KYNU: variants seen among roughly 807,000 people sequenced by gnomAD.
The protein encoded by KYNU is L-kynurenine hydrolase.
In KYNU, 54 loss-of-function variants were observed where a neutral mutation model predicts 59.2. The observed-to-expected ratio is 0.91, with a 90% CI of 0.73 to 1.14. The LOEUF is 1.14. Ranked by LOEUF, KYNU falls within the 50% of genes most tolerant of loss-of-function variation. The pLI is 0.00. For missense variants in KYNU, 567 were observed against 554.4 expected (o/e 1.02, Z -0.23); for synonymous variants, 177 against 192.0 (o/e 0.92, Z 0.65).
intron 11 of KYNU, among the ~76,000 whole-genome samples, chr2:143,029,949 A>G (rs1013867597): frequency 3.3e-5 from 5 of 152,196 alleles, no homozygotes; most frequent in Admixed American, 1.3e-4. Flanking sequence ...TGCCATCAAC[A>G]TAGAGTGCCT....
At chr2:142,904,091 C>T (rs1483644870) in intron 2 of KYNU, among the ~76,000 whole-genome samples, 1 of 152,120 alleles carries the variant, frequency 6.6e-6, no homozygotes, top group Non-Finnish European at 1.5e-5. Context: ...AAGTTTTTTT[C>T]TAATGTCTGC....
chr2:143,041,854 T>G (rs970322154), intron 13 of KYNU, among the ~76,000 whole-genome samples, 193 bp from the exon 14 acceptor site: 13 of 151,956 alleles, frequency 8.6e-5, no homozygotes, highest in African/African-American at 2.9e-4. Flanking sequence ...TCCATTCTTA[T>G]TTCTTAAATT....
At chr2:142,974,322 T>C (rs975009889) in intron 8 of KYNU, among the ~76,000 whole-genome samples, 3 of 152,156 alleles carry the variant, frequency 2.0e-5, no homozygotes, top group Non-Finnish European at 4.4e-5. Context: ...GAATAATCAA[T>C]TATGTATTCC....
chr2:142,971,758 T>G (rs1172641624), intron 8 of KYNU, among the ~76,000 whole-genome samples: 1 of 152,230 alleles, frequency 6.6e-6, no homozygotes, highest in African/African-American at 2.4e-5. Context: ...CCAGGTTGAT[T>G]TGATGGAACA....
rs1477591671 is a variant in KYNU at position 143,046,544 on chromosome 2, G to A, written c.*4372G>A. The A allele has an allele frequency of 7.1e-6, 1 of 141,570 alleles. No individual in the cohort carries two copies. The allele number at this position is 141,570 out of a possible 1,614,324, so 8.8% of individuals were successfully genotyped here. ...TAATTCCTTCTATTTCATAAGCCAG[G>A]TTTCTATATATCTATATAAATATAG... On this transcript the variant is annotated 3_prime_UTR_variant, in exon 14 of 14. Coordinates refer to ENST00000264170, the MANE Select transcript of KYNU (RefSeq NM_003937.3).
chr2:143,035,336 TC>T (rs1686866242), intron 12 of KYNU, among the ~76,000 whole-genome samples: 1 of 152,246 alleles, frequency 6.6e-6, no homozygotes, highest in African/African-American at 2.4e-5. Context: ...TGAGCCTCTT[TC>T]TGCTCATTTC....
At position 143,052,622 on chromosome 2, in the gene KYNU, A is replaced by G. The variant is rs528941313; in HGVS notation, c.*10450A>G. ...GTGGCTTCAGAGGGTGGAAGCCCCA[A>G]GTCTTGGCAGCTTCCATATGGTGTT... On this transcript the variant is annotated 3_prime_UTR_variant, in exon 14 of 14. Transcript: ENST00000264170. 1 of 152,364 alleles carries G rather than the reference A, an allele frequency of 6.6e-6. No individual in the cohort carries two copies. The highest frequency in any genetic ancestry group is 1.5e-5 in the Non-Finnish European group (1 of 68,070). The allele number at this position is 152,364 out of a possible 1,614,324, so 9.4% of individuals were successfully genotyped here.
intron 3 of KYNU, among the ~76,000 whole-genome samples, chr2:142,925,046 A>G (rs576716688): frequency 7.2e-5 from 11 of 152,346 alleles, no homozygotes; most frequent in African/African-American, 2.6e-4. Flanking sequence ...CTACCAGAGT[A>G]AGGAGTAGGT....
At chr2:142,899,202 C>T (rs902504070) in intron 2 of KYNU, among the ~76,000 whole-genome samples, 2 of 152,098 alleles carry the variant, frequency 1.3e-5, no homozygotes, top group African/African-American at 4.8e-5. Flanking sequence ...ACAGAGCTCC[C>T]ATACGATGGG....
intron 10 of KYNU, among the ~76,000 whole-genome samples, chr2:143,017,734 G>A (rs905810702): frequency 1.3e-5 from 2 of 151,884 alleles, no homozygotes; most frequent in Non-Finnish European, 2.9e-5. Context: ...CATAATGCCC[G>A]GCCATTTTTT....
At chr2:142,918,890 A>G (rs1682772520) in intron 3 of KYNU, among the ~76,000 whole-genome samples, 161 bp downstream of exon 3, 1 of 152,238 alleles carries the variant, frequency 6.6e-6, no homozygotes, top group Admixed American at 6.5e-5. Context: ...ATCATTCCAA[A>G]ATCCACAATG....
rs764453101 is a variant in KYNU, at chr2:142,885,353, A to G, written c.-15A>G. 110 of 1,612,856 alleles carry G rather than the reference A, an allele frequency of 6.8e-5. No homozygotes were observed. The highest frequency in any genetic ancestry group is 1.6e-4 in the Middle Eastern group (1 of 6,082). On this transcript the variant is annotated 5_prime_UTR_variant, in exon 2 of 14. Coordinates refer to ENST00000264170, the MANE Select transcript of KYNU (RefSeq NM_003937.3). Reference sequence around the variant, plus strand: ...TGTTTTATTATTCTCTTTCAGTTTTAGAGAACAACTTGTAATGGAGCCTTC... The same window carrying G: ...TGTTTTATTATTCTCTTTCAGTTTTGGAGAACAACTTGTAATGGAGCCTTC...
intron 1 of KYNU, chr2:142,879,367 A>G (rs1280623702): frequency 2.6e-5 from 4 of 152,236 alleles, no homozygotes; most frequent in Non-Finnish European, 5.9e-5. Flanking sequence ...CCAGGAGCGG[A>G]ACCAGCCACT....
chr2:142,897,607 A>T (rs1282763903), intron 2 of KYNU, among the ~76,000 whole-genome samples: 1 of 152,246 alleles, frequency 6.6e-6, no homozygotes, highest in Non-Finnish European at 1.5e-5. Context: ...TACTACTTAT[A>T]ATACAATCAG....
chr2:142,957,720 A>T lies in KYNU; in HGVS notation c.582+5A>T, dbSNP rs1014623495. 11 of 1,548,730 alleles carry T rather than the reference A, an allele frequency of 7.1e-6. No individual in the cohort carries two copies. In the Middle Eastern group the frequency reaches 1.0e-3, roughly 142 times the overall value. On this transcript the variant is annotated splice_donor_5th_base_variant and intron_variant, in intron 7 of 13. Transcript: ENST00000264170. Reference sequence around the variant, plus strand: ...CGGATGATAAAGCCAAGAGAGGTATATGAGAAAGAAAGAAATATTTGTCAT... The same window carrying T: ...CGGATGATAAAGCCAAGAGAGGTATTTGAGAAAGAAAGAAATATTTGTCAT...
intron 10 of KYNU, among the ~76,000 whole-genome samples, chr2:142,996,269 T>G (rs1417249455): frequency 6.6e-6 from 1 of 152,102 alleles, no homozygotes; most frequent in African/African-American, 2.4e-5. Context: ...TGGCTGATGA[T>G]AGATGAATAG....
intron 10 of KYNU, among the ~76,000 whole-genome samples, chr2:143,023,796 A>G (rs13007816): frequency 0.36 from 54,137 of 151,442 alleles, 10,725 homozygotes; most frequent in African/African-American, 0.52. Context: ...AATAAAAAAT[A>G]AGTAAATTAC....
At chr2:142,947,158 G>T in intron 4 of KYNU, 1 of 1,551,040 alleles carries the variant, frequency 6.4e-7, no homozygotes, top group Non-Finnish European at 8.7e-7. Flanking sequence ...ACCTCAGTAT[G>T]TGTAATCTTA....
At chr2:143,014,439 A>T (rs1348685634) in intron 10 of KYNU, among the ~76,000 whole-genome samples, 1 of 152,190 alleles carries the variant, frequency 6.6e-6, no homozygotes, top group Admixed American at 6.5e-5. Flanking sequence ...TTTCTTTTAT[A>T]TGTGCTGTTT....
Sources: gnomAD v4.1 joint callset for allele counts (sites outside exome capture counted in the v4.1 genomes callset) on GRCh38, gnomAD v4.1.1 for gene constraint, MANE v1.5 for transcripts, NCBI Gene and HGNC (gene_info 2026-07-23, HGNC 2026-07-21) for gene names.